The following CTIF variants were observed in gnomAD, a reference collection of about 807,000 sequenced individuals.
CTIF encodes the protein CBP80/20-dependent translation initiation factor.
CTIF carries 21 observed loss-of-function variants against 66.0 expected under a neutral mutation model. That is an observed-to-expected ratio of 0.32 (90% CI 0.23 to 0.46). The LOEUF (loss-of-function observed/expected upper bound fraction) is 0.46. Ranked by LOEUF, CTIF falls within the 20% of genes least tolerant of loss-of-function variation. CTIF has a pLI of 1.00. For synonymous variants in CTIF, 345 were observed against 326.4 expected (o/e 1.06, Z -0.62); for missense variants, 739 against 812.7 (o/e 0.91, Z 1.10).
intron 9 of CTIF, among the ~76,000 whole-genome samples, chr18:48,788,113 G>A (rs1911879156): frequency 6.6e-6 from 1 of 152,190 alleles, no homozygotes; most frequent in South Asian, 2.1e-4. Context: ...AATCCCCATG[G>A]GGACAATTGG....
chr18:48,545,939 A>G (rs2088737468), intron 1 of CTIF, among the ~76,000 whole-genome samples: 1 of 152,192 alleles, frequency 6.6e-6, no homozygotes, highest in South Asian at 2.1e-4. Context: ...CCCAGCTGGC[A>G]GAATCCAGCG....
At chr18:48,620,492 T>G (rs1463165872) in intron 2 of CTIF, among the ~76,000 whole-genome samples, 2 of 152,248 alleles carry the variant, frequency 1.3e-5, no homozygotes, top group Non-Finnish European at 2.9e-5. Context: ...GCTTCCAGAT[T>G]GGCTTCTAGC....
chr18:48,700,167 A>C (rs1337649056), intron 6 of CTIF, among the ~76,000 whole-genome samples: 1 of 152,208 alleles, frequency 6.6e-6, no homozygotes, highest in Non-Finnish European at 1.5e-5. Context: ...GTAGTGAGTA[A>C]GTTTCATGAG....
chr18:48,857,667 C>G, intron 11 of CTIF, 26 bp downstream of exon 11: 1 of 1,593,072 alleles, frequency 6.3e-7, no homozygotes. Context: ...TCGACATCCC[C>G]AACCTCAAAG....
At chr18:48,621,189 G>A (rs1368801290) in intron 2 of CTIF, among the ~76,000 whole-genome samples, 3 of 151,096 alleles carry the variant, frequency 2.0e-5, no homozygotes, top group Non-Finnish European at 3.0e-5. Flanking sequence ...TGATCATTGC[G>A]ATGGAGAAAA....
intron 2 of CTIF, among the ~76,000 whole-genome samples, chr18:48,620,710 T>C (rs1381763922): frequency 1.3e-5 from 2 of 152,170 alleles, no homozygotes; most frequent in African/African-American, 4.8e-5. Context: ...GGGATCCGCC[T>C]CTCGTGCGTG....
chr18:48,574,972 A>G (rs1376452779), intron 1 of CTIF, among the ~76,000 whole-genome samples: 2 of 152,142 alleles, frequency 1.3e-5, no homozygotes, highest in African/African-American at 4.8e-5. Flanking sequence ...GCCAAATGAG[A>G]TAAAGAGTAA....
intron 1 of CTIF, among the ~76,000 whole-genome samples, chr18:48,614,040 TCTACC>T (rs2090355464): frequency 6.6e-6 from 1 of 152,210 alleles, no homozygotes; most frequent in South Asian, 2.1e-4. Flanking sequence ...TTTGTGTTCT[TCTACC>T]TTCCCTCTTT....
chr18:48,733,927 C>T (rs578011523), intron 7 of CTIF, among the ~76,000 whole-genome samples: 3 of 152,350 alleles, frequency 2.0e-5, no homozygotes, highest in South Asian at 4.1e-4. Context: ...GGAGAATGCT[C>T]GGAGCATTTC....
chr18:48,663,452 C>T (rs1166706888), intron 3 of CTIF, among the ~76,000 whole-genome samples: 1 of 152,098 alleles, frequency 6.6e-6, no homozygotes, highest in Admixed American at 6.5e-5. Flanking sequence ...GTGATGGTGG[C>T]TCTGGGTGGT....
At chr18:48,632,984 G>A (rs1181387493) in intron 2 of CTIF, among the ~76,000 whole-genome samples, 1 of 32,054 alleles carries the variant, frequency 3.1e-5, no homozygotes, top group African/African-American at 4.8e-5. Flanking sequence ...GGAGGGTAGG[G>A]TTGCATACGG....
At chr18:48,840,884 C>A (rs927396526) in intron 10 of CTIF, among the ~76,000 whole-genome samples, 1 of 142,480 alleles carries the variant, frequency 7.0e-6, no homozygotes, top group Non-Finnish European at 1.5e-5. Context: ...CCCACCCCCA[C>A]CCCAGAAGAT....
intron 9 of CTIF, among the ~76,000 whole-genome samples, chr18:48,769,686 C>G (rs972648102): frequency 4.6e-5 from 7 of 152,254 alleles, no homozygotes; most frequent in Non-Finnish European, 7.3e-5. Context: ...TTCTTTGCCC[C>G]TGCGGCCAGA....
At chr18:48,688,536 T>G (rs1452060537) in intron 6 of CTIF, 1 of 152,204 alleles carries the variant, frequency 6.6e-6, no homozygotes, top group Admixed American at 6.5e-5. Context: ...CCTCTGTGCA[T>G]GTATCTTGAA....
In CTIF at chr18:48,790,096, G is replaced by A. The variant is rs188129741; in HGVS notation, c.1372-27125G>A. 3.3e-3 allele frequency among the ~76,000 whole-genome samples: 506 copies of A among 152,348 alleles called. 10 individuals carry two copies. The South Asian group carries it at 0.039, about 12-fold the overall frequency. On this transcript the variant is annotated intron_variant, in intron 9 of 11. Transcript: ENST00000256413. ...CCTAAGGCTGCCTACTAGGTGTTGG[G>A]GAAGGGATGGAAGTAGAATGAGGAC...
intron 7 of CTIF, among the ~76,000 whole-genome samples, chr18:48,742,367 C>A (rs1207534844): frequency 6.6e-6 from 1 of 152,204 alleles, no homozygotes; most frequent in Non-Finnish European, 1.5e-5. Flanking sequence ...AGTCTTGAGG[C>A]TCCCCAGAGG....
chr18:48,842,341 G>A (rs2068964480), intron 10 of CTIF, among the ~76,000 whole-genome samples: 1 of 152,182 alleles, frequency 6.6e-6, no homozygotes, highest in African/African-American at 2.4e-5. Context: ...CTTGAAGCCT[G>A]TGAGGCAGGA....
intron 9 of CTIF, among the ~76,000 whole-genome samples, chr18:48,782,626 C>A (rs1220846695): frequency 6.6e-6 from 1 of 152,214 alleles, no homozygotes; most frequent in East Asian, 1.9e-4. Context: ...AGATCCCAGG[C>A]CCTCAGTGCA....
chr18:48,804,105 G>C (rs1053969076), intron 9 of CTIF, among the ~76,000 whole-genome samples: 1 of 152,214 alleles, frequency 6.6e-6, no homozygotes, highest in African/African-American at 2.4e-5. Flanking sequence ...GCAGAGTGAA[G>C]CAGTGGAATG....
Sources: gnomAD v4.1 joint callset for allele counts (sites outside exome capture counted in the v4.1 genomes callset) on GRCh38, gnomAD v4.1.1 for gene constraint, MANE v1.5 for transcripts, NCBI Gene and HGNC (gene_info 2026-07-23, HGNC 2026-07-21) for gene names.